The following SULT2A1 variants were observed in gnomAD, a reference collection of about 807,000 sequenced individuals.
The protein encoded by SULT2A1 is sulfotransferase 2A1.
In SULT2A1, 43 loss-of-function variants were observed where a neutral mutation model predicts 33.9. The observed-to-expected ratio is 1.27, with a 90% CI of 1.00 to 1.64. The LOEUF is 1.64. Ranked by LOEUF, SULT2A1 falls within the 40% of genes most tolerant of loss-of-function variation. The probability of loss-of-function intolerance (pLI) is 0.00; values close to 1 mark genes in which losing one functional copy is unlikely to be tolerated. For synonymous variants in SULT2A1, 125 were observed against 113.6 expected (o/e 1.10, Z -0.64); for missense variants, 300 against 335.1 (o/e 0.90, Z 0.82).
chr19:47,872,594 C>T (rs575648217), intron 5 of SULT2A1, among the ~76,000 whole-genome samples: 2 of 152,120 alleles, frequency 1.3e-5, no homozygotes, highest in Admixed American at 6.6e-5. Context: ...AGTTTCTCAG[C>T]GAGGTTCTCT....
rs183480412 is a variant in SULT2A1 at position 47,876,863 on chromosome 19, A to G, written c.568-2029T>C. ...GCCTACGGGAGGATTGCCTGAGCTC[A>G]GGAGTTCGAGACCAGCCTGGGCAAC... On this transcript the variant is annotated intron_variant, in intron 4 of 5. Coordinates refer to ENST00000222002, the MANE Select transcript of SULT2A1 (RefSeq NM_003167.4). 1.6e-3 allele frequency among the ~76,000 whole-genome samples: 242 copies of G among 151,204 alleles called. 1 individual carries two copies. The Middle Eastern group carries it at 0.031, about 19-fold the overall frequency.
chr19:47,886,025 T>C (rs1301978314), intron 1 of SULT2A1, 97 bp downstream of exon 1: 21 of 1,450,058 alleles, frequency 1.4e-5, no homozygotes, highest in Middle Eastern at 1.8e-4. Flanking sequence ...CTTAAAGCAT[T>C]GTACACTGTC....
intron 5 of SULT2A1, among the ~76,000 whole-genome samples, chr19:47,874,291 A>C (rs891442149): frequency 6.6e-6 from 1 of 152,114 alleles, no homozygotes; most frequent in African/African-American, 2.4e-5. Flanking sequence ...CTGTAATCCC[A>C]GCACTTTGGG....
intron 4 of SULT2A1, among the ~76,000 whole-genome samples, chr19:47,877,374 G>C (rs1600033154): frequency 6.7e-6 from 1 of 150,060 alleles, no homozygotes; most frequent in South Asian, 2.1e-4. Context: ...GAGTAGCTGG[G>C]ACTACAGGTG....
At chr19:47,877,816 C>T (rs763529826) in intron 4 of SULT2A1, among the ~76,000 whole-genome samples, 1 of 152,184 alleles carries the variant, frequency 6.6e-6, no homozygotes, top group Non-Finnish European at 1.5e-5. Flanking sequence ...CTCCCCAGTG[C>T]TGGGATTACA....
intron 4 of SULT2A1, among the ~76,000 whole-genome samples, chr19:47,875,446 T>G (rs1386453026): frequency 5.3e-5 from 8 of 152,024 alleles, no homozygotes; most frequent in African/African-American, 1.7e-4. Flanking sequence ...TAGACCAGCC[T>G]GGGCGATATA....
intron 3 of SULT2A1, among the ~76,000 whole-genome samples, 173 bp downstream of exon 3, chr19:47,881,911 C>G (rs1056608079): frequency 7.2e-5 from 11 of 151,896 alleles, no homozygotes; most frequent in African/African-American, 2.7e-4. Context: ...GCTGAGGGGC[C>G]GGCTAGAGTT....
rs1249923236 is a variant in SULT2A1 at position 47,882,348 on chromosome 19, T to G, written c.346-138A>C. On this transcript the variant is annotated intron_variant, in intron 2 of 5. Coordinates refer to ENST00000222002, the MANE Select transcript of SULT2A1 (RefSeq NM_003167.4). ...TGGATTCTTTTAACAAATTACTTAC[T>G]GCACTCACTAATCAAATTTGATGTG... The G allele has an allele frequency of 2.8e-6, 3 of 1,056,254 alleles. No individual in the cohort carries two copies. In the African/African-American group the frequency reaches 4.8e-5, roughly 17 times the overall value. 65.4% of individuals were successfully genotyped at this position (1,056,254 alleles called of 1,614,324 possible).
chr19:47,883,974 C>T lies in SULT2A1; in HGVS notation c.137-189G>A, dbSNP rs146963587. Among the ~76,000 whole-genome samples, 720 of 151,060 alleles carry T rather than the reference C, an allele frequency of 4.8e-3. 4 individuals carry two copies. Among genetic ancestry groups the T allele is most frequent in the African/African-American group, 0.017 (685 of 41,270 alleles). On this transcript the variant is annotated intron_variant, in intron 1 of 5. Coordinates refer to ENST00000222002, the MANE Select transcript of SULT2A1 (RefSeq NM_003167.4). Reference sequence around the variant, plus strand: ...TACAAAAATTAGCCAGGTATGGTGGCGGGCGCCTAAAATCCCAGCTACTTG... The same window carrying T: ...TACAAAAATTAGCCAGGTATGGTGGTGGGCGCCTAAAATCCCAGCTACTTG...
rs954976546 is a variant in SULT2A1, at chr19:47,883,687, C to G, written c.235G>C (p.Glu79Gln). 4 of 1,614,144 alleles carry G rather than the reference C, an allele frequency of 2.5e-6. No individual in the cohort carries two copies. The highest frequency in any genetic ancestry group is 3.4e-6 in the Non-Finnish European group (4 of 1,180,030). Reference protein sequence around the residue: ...VPIWERSPWVESEIGYTALSE... With the variant: ...VPIWERSPWVQSEIGYTALSE... Reference sequence around the variant, plus strand: ...AGTGCTGTATACCCAATCTCACTCTCTACCCAGGGTGATCGCTCCCAGATG... The same window carrying G: ...AGTGCTGTATACCCAATCTCACTCTGTACCCAGGGTGATCGCTCCCAGATG... The change falls in exon 2 of 6, where the codon GAG (glutamate) becomes CAG (glutamine). Residue 79 changes from glutamate to glutamine, a missense_variant. By Grantham distance (29) the Glu-to-Gln change is conservative. Transcript: ENST00000222002.
At chr19:47,877,814 TGCTGG>T (rs957825491) in intron 4 of SULT2A1, among the ~76,000 whole-genome samples, 3 of 152,172 alleles carry the variant, frequency 2.0e-5, no homozygotes, top group Non-Finnish European at 4.4e-5. Flanking sequence ...ACCTCCCCAG[TGCTGG>T]GATTACAGGC....
intron 2 of SULT2A1, among the ~76,000 whole-genome samples, chr19:47,882,524 A>T (rs1968613598): frequency 6.6e-6 from 1 of 152,172 alleles, no homozygotes; most frequent in Admixed American, 6.5e-5. Context: ...TGGTTTAAAG[A>T]TCATTAACAG....
intron 5 of SULT2A1, among the ~76,000 whole-genome samples, chr19:47,872,239 C>A (rs1027710800): frequency 1.3e-5 from 2 of 152,110 alleles, no homozygotes; most frequent in Non-Finnish European, 2.9e-5. Context: ...TTCATAAGTT[C>A]TCTTTCATAA....
intron 5 of SULT2A1, among the ~76,000 whole-genome samples, chr19:47,874,306 C>T (rs62532362): frequency 0.015 from 2,222 of 151,706 alleles, 52 homozygotes; most frequent in African/African-American, 0.051. Context: ...TTTGGGAGGC[C>T]GAGGTGGGCG....
At chr19:47,881,114 C>T (rs1034077691) in intron 3 of SULT2A1, among the ~76,000 whole-genome samples, 1 of 152,064 alleles carries the variant, frequency 6.6e-6, no homozygotes, top group Non-Finnish European at 1.5e-5. Flanking sequence ...TGGCTCACTG[C>T]CACCTCTACC....
At chr19:47,886,030 ACTGT>A in intron 1 of SULT2A1, 88 bp downstream of exon 1, 1 of 1,469,770 alleles carries the variant, frequency 6.8e-7, no homozygotes, top group Non-Finnish European at 9.3e-7. Context: ...AGCATTGTAC[ACTGT>A]CTGACATAAA....
rs1280435511 is a variant in SULT2A1 at position 47,882,199 on chromosome 19, G to A, written c.357C>T (p.Leu119=). The change falls in exon 3 of 6, where the codon CTC becomes CTT. Residue 119 remains leucine, a synonymous_variant. Coordinates refer to ENST00000222002, the MANE Select transcript of SULT2A1 (RefSeq NM_003167.4). ...FFSSKAKVIY[L]MRNPRDVLVS... is the part of the protein sequence containing the mutation. The stretch of plus-strand genomic sequence containing the variant: ...CCAAAACATCTCTGGGATTTCTCAT[G>A]AGATAAATCACCTTAAATGGAAAAA... The A allele has an allele frequency of 8.1e-6, 13 of 1,612,676 alleles. No homozygotes were observed. The highest frequency in any genetic ancestry group is 1.1e-5 in the Non-Finnish European group (13 of 1,179,478).
At chr19:47,884,804 C>T (rs1184112408) in intron 1 of SULT2A1, among the ~76,000 whole-genome samples, 118 of 64,032 alleles carry the variant, frequency 1.8e-3, no homozygotes, top group African/African-American at 7.7e-3. Context: ...CTCTCAACCA[C>T]TTTTTTTTTT....
rs1237229994 is a variant in SULT2A1 at position 47,871,064 on chromosome 19, G to C, written c.*391C>G. The C allele has an allele frequency of 6.0e-6, 1 of 166,094 alleles. No individual in the cohort carries two copies. The highest frequency in any genetic ancestry group is 2.4e-5 in the African/African-American group (1 of 41,600). The allele number at this position is 166,094 out of a possible 1,614,324, so 10.3% of individuals were successfully genotyped here. ...TCATCATGTTGGCCAGGATGGTCTC[G>C]ATCTCCTGACCCCGTGATCCTCCCC... On this transcript the variant is annotated 3_prime_UTR_variant, in exon 6 of 6. Transcript: ENST00000222002.
Sources: allele counts gnomAD v4.1 joint callset (sites outside exome capture counted in the v4.1 genomes callset), GRCh38; gene constraint gnomAD v4.1.1; transcripts MANE v1.5; gene names NCBI Gene and HGNC (gene_info 2026-07-23, HGNC 2026-07-21).